The following SYBU variants were observed in gnomAD, a reference collection of about 807,000 sequenced individuals.
SYBU encodes GOLSYN A protein.
SYBU carries 21 observed loss-of-function variants against 35.9 expected under a neutral mutation model. The ratio of observed to expected loss-of-function variants is 0.58; its 90% CI spans 0.41 to 0.84. SYBU has a LOEUF of 0.84. SYBU is among the 40% of genes least tolerant of loss of function. The pLI is 0.00. For missense variants in SYBU, 768 were observed against 848.2 expected, an observed-to-expected ratio of 0.91 and a Z score of 1.17; for synonymous variants, 319 against 324.3, an observed-to-expected ratio of 0.98 and a Z score of 0.18.
chr8:109,668,728 G>A (rs757112461), intron 1 of SYBU, among the ~76,000 whole-genome samples: 3 of 152,164 alleles, frequency 2.0e-5, no homozygotes, highest in Non-Finnish European at 4.4e-5. Flanking sequence ...GAGCATCTGA[G>A]GGTGAACACT....
chr8:109,620,094 G>C lies in SYBU; in HGVS notation c.230-1055C>G, dbSNP rs1216378968. On this transcript the variant is annotated intron_variant, in intron 2 of 6. Transcript: ENST00000276646. ...ATAAATGCGTTCCACATTTATTAAA[G>C]TACTTAGGATAGTTGGTTAATTTAT... Among the ~76,000 whole-genome samples the C allele has an allele frequency of 3.9e-5, 6 of 152,296 alleles. No homozygotes were observed. In the South Asian group the frequency reaches 6.2e-4, roughly 16 times the overall value.
At chr8:109,625,007 C>T (rs1246852012) in intron 2 of SYBU, among the ~76,000 whole-genome samples, 1 of 152,062 alleles carries the variant, frequency 6.6e-6, no homozygotes, top group Non-Finnish European at 1.5e-5. Flanking sequence ...TAAATGATAC[C>T]AGGGAAGCAA....
At chr8:109,644,256 G>A in intron 1 of SYBU, 1 of 494,836 alleles carries the variant, frequency 2.0e-6, no homozygotes. Context: ...CGGGCACACC[G>A]CAGACCCTGA....
intron 1 of SYBU, among the ~76,000 whole-genome samples, chr8:109,662,582 C>T (rs761367215): frequency 2.0e-5 from 3 of 152,158 alleles, no homozygotes; most frequent in Admixed American, 1.3e-4. Context: ...CAGAGTCTAA[C>T]CTATTTCCAC....
At chr8:109,621,942 T>C (rs1812445691) in intron 2 of SYBU, among the ~76,000 whole-genome samples, 1 of 152,194 alleles carries the variant, frequency 6.6e-6, no homozygotes, top group Admixed American at 6.6e-5. Flanking sequence ...GAGGTATTTT[T>C]CTTTGTGCAG....
intron 3 of SYBU, among the ~76,000 whole-genome samples, chr8:109,593,197 T>C (rs1824481219): frequency 6.6e-6 from 1 of 152,148 alleles, no homozygotes; most frequent in African/African-American, 2.4e-5. Context: ...AACCATATTA[T>C]GAGGAAGAGA....
At chr8:109,673,374 G>C (rs749139616) in intron 1 of SYBU, among the ~76,000 whole-genome samples, 2 of 152,200 alleles carry the variant, frequency 1.3e-5, no homozygotes, top group African/African-American at 4.8e-5. Flanking sequence ...GCCTCCGCTG[G>C]TGATACCCAG....
intron 3 of SYBU, among the ~76,000 whole-genome samples, chr8:109,616,642 T>C (rs936961174): frequency 6.6e-6 from 1 of 151,688 alleles, no homozygotes; most frequent in African/African-American, 2.4e-5. Context: ...ATAACAAAAA[T>C]AAAATCATTA....
intron 2 of SYBU, among the ~76,000 whole-genome samples, chr8:109,621,514 C>T (rs925881965): frequency 2.6e-5 from 4 of 152,178 alleles, no homozygotes; most frequent in African/African-American, 9.7e-5. Flanking sequence ...TAACTCTCTA[C>T]TCTTGTGCTT....
chr8:109,597,530 T>A (rs1357595284), intron 3 of SYBU, among the ~76,000 whole-genome samples: 1 of 150,992 alleles, frequency 6.6e-6, no homozygotes, highest in East Asian at 2.0e-4. Flanking sequence ...CCAGCCTGGG[T>A]AAAATGGTAA....
At chr8:109,683,959 T>C (rs1386554797), upstream of SYBU, among the ~76,000 whole-genome samples, 1 of 152,192 alleles carries the variant, frequency 6.6e-6, no homozygotes, top group African/African-American at 2.4e-5. Flanking sequence ...TGATTATAAG[T>C]TTCCTGATGC....
rs1324182935 is a variant in SYBU at position 109,674,278 on chromosome 8, C to A, written c.-129+6433G>T. Among the ~76,000 whole-genome samples, 7 of 151,336 alleles carry A rather than the reference C, an allele frequency of 4.6e-5. No homozygotes were observed. The East Asian group carries it at 1.4e-3, about 29-fold the overall frequency. On this transcript the variant is annotated intron_variant, in intron 1 of 5. Transcript: ENST00000408889. ...AAAAAAAAAAAAATTTTAAGGGCAG[C>A]CCAAGAGAAAGGTCAGGTTACTCAC...
intron 2 of SYBU, among the ~76,000 whole-genome samples, chr8:109,625,534 A>T (rs533186295): frequency 1.7e-4 from 26 of 152,008 alleles, no homozygotes; most frequent in African/African-American, 6.3e-4. Flanking sequence ...TGATTATTCC[A>T]CCTCAGCCTC....
intron 1 of SYBU, among the ~76,000 whole-genome samples, chr8:109,668,549 G>A (rs1481201710): frequency 6.6e-6 from 1 of 152,146 alleles, no homozygotes; most frequent in African/African-American, 2.4e-5. Context: ...CTGTATGTAT[G>A]TGTGCTATGG....
At chr8:109,641,897 G>A (rs1399391262) in intron 2 of SYBU, among the ~76,000 whole-genome samples, 3 of 152,194 alleles carry the variant, frequency 2.0e-5, no homozygotes, top group Non-Finnish European at 4.4e-5. Context: ...ACAGTGTGGC[G>A]ATTCCTCAAG....
Position 109,578,090 on chromosome 8 carries a change from T to G in SYBU, c.735-73A>C, listed in dbSNP as rs971081702. ...CTATAAAAAGAAGAGTAACACAGAG[T>G]GTTATCAACTGAATGTCTGTGTCCC... is the stretch of plus-strand genomic sequence containing the variant. On this transcript the variant is annotated intron_variant, in intron 5 of 6. Coordinates refer to ENST00000276646, the MANE Select transcript of SYBU (RefSeq NM_001099754.2). The G allele has an allele frequency of 6.2e-5, 91 of 1,459,528 alleles. No individual in the cohort carries two copies. In the South Asian group the frequency reaches 1.2e-3, roughly 19 times the overall value. 90.4% of individuals were successfully genotyped at this position (1,459,528 alleles called of 1,614,324 possible). A position where few individuals can be genotyped will look rare whatever the true frequency, so the allele number is the denominator to read the frequency against.
At chr8:109,632,054 C>A (rs1813685756) in intron 2 of SYBU, among the ~76,000 whole-genome samples, 1 of 151,960 alleles carries the variant, frequency 6.6e-6, no homozygotes, top group Non-Finnish European at 1.5e-5. Context: ...GAAGATATTT[C>A]TTTTATTTTT....
At position 109,691,277 on chromosome 8, in the gene SYBU, C is replaced by T; in HGVS notation, c.-58+56G>A. The T allele has an allele frequency of 1.4e-6, 1 of 695,910 alleles. No homozygotes were observed. Among genetic ancestry groups the T allele is most frequent in the Non-Finnish European group, 2.6e-6 (1 of 382,006 alleles). The allele number at this position is 695,910 out of a possible 1,614,324, so 43.1% of individuals were successfully genotyped here. A position where few individuals can be genotyped will look rare whatever the true frequency, so the allele number is the denominator to read the frequency against. ...TCATTGTACCGAAGACCATCAGTTGCCCTCCCGTGTCCGCGGGCACTGACA... is the reference window on the plus strand; with the variant it reads ...TCATTGTACCGAAGACCATCAGTTGTCCTCCCGTGTCCGCGGGCACTGACA... On this transcript the variant is annotated intron_variant, in intron 1 of 7. Coordinates refer to the SYBU transcript ENST00000422135. The surrounding 1 kb of genome is among the most constrained non-coding windows in gnomAD (Gnocchi z 4.7).
chr8:109,686,672 G>T (rs1817526703), intron 1 of SYBU, among the ~76,000 whole-genome samples: 1 of 152,088 alleles, frequency 6.6e-6, no homozygotes, highest in African/African-American at 2.4e-5. Context: ...CCCTTGGGAA[G>T]AACATTCTCA....
Sources: allele counts gnomAD v4.1 joint callset (sites outside exome capture counted in the v4.1 genomes callset), GRCh38; gene constraint gnomAD v4.1.1; non-coding constraint Gnocchi (gnomAD v3.1); transcripts MANE v1.5; gene names NCBI Gene and HGNC (gene_info 2026-07-23, HGNC 2026-07-21).